FAT4: variants seen among roughly 807,000 people sequenced by gnomAD.
FAT4 encodes FAT atypical cadherin 4.
Under a neutral mutation model 303.9 loss-of-function variants are expected in FAT4, and 84 were observed. The ratio of observed to expected loss-of-function variants is 0.28; its 90% confidence interval spans 0.23 to 0.33. The LOEUF is 0.33. Ranked by LOEUF, FAT4 falls within the 10% of genes least tolerant of loss-of-function variation. The pLI is 1.00. For synonymous variants in FAT4, 2,307 were observed against 2,298.8 expected, an observed-to-expected ratio of 1.00 and a Z score of -0.10; for missense variants, 6,005 against 6,146.8, an observed-to-expected ratio of 0.98 and a Z score of 0.77.
chr4:125,363,848 T>C (rs190024561), intron 2 of FAT4, among the ~76,000 whole-genome samples: 19 of 152,260 alleles, frequency 1.2e-4, no homozygotes, highest in Admixed American at 1.1e-3. Flanking sequence ...GATTATGGAT[T>C]ATTATATTCA....
intron 10 of FAT4, among the ~76,000 whole-genome samples, chr4:125,453,416 ATG>A (rs1028102275): frequency 6.6e-6 from 1 of 152,146 alleles, no homozygotes; most frequent in Non-Finnish European, 1.5e-5. Flanking sequence ...GATTAAAATG[ATG>A]TGTTATTGGG....
At chr4:125,339,351 A>T (rs1402909695) in intron 2 of FAT4, among the ~76,000 whole-genome samples, 1 of 151,668 alleles carries the variant, frequency 6.6e-6, no homozygotes, top group Non-Finnish European at 1.5e-5. Context: ...TCATGCCACC[A>T]CGCCTGGCTA....
At chr4:125,327,690 T>A (rs926657889) in intron 2 of FAT4, among the ~76,000 whole-genome samples, 1 of 152,230 alleles carries the variant, frequency 6.6e-6, no homozygotes, top group Non-Finnish European at 1.5e-5. Flanking sequence ...TAGACATAAC[T>A]CATCTTCCAA....
At chr4:125,322,179 G>A (rs954050625) in intron 2 of FAT4, among the ~76,000 whole-genome samples, 1 of 152,110 alleles carries the variant, frequency 6.6e-6, no homozygotes, top group East Asian at 1.9e-4. Flanking sequence ...TAACATTTTA[G>A]ACACTGTCTT....
intron 2 of FAT4, among the ~76,000 whole-genome samples, chr4:125,389,685 C>T (rs868707056): frequency 6.6e-6 from 1 of 152,138 alleles, no homozygotes; most frequent in African/African-American, 2.4e-5. Context: ...TTGATTTCTC[C>T]CATTTTTTTC....
intron 2 of FAT4, among the ~76,000 whole-genome samples, chr4:125,397,661 C>T (rs1734235660): frequency 6.6e-6 from 1 of 152,062 alleles, no homozygotes; most frequent in Non-Finnish European, 1.5e-5. Flanking sequence ...ATAAATTGCT[C>T]ATTTATTTGT....
At position 125,340,904 on chromosome 4, in the gene FAT4, T is replaced by C. The variant is rs560442998; in HGVS notation, c.5175+19318T>C. Among the ~76,000 whole-genome samples, 4 of 152,290 alleles carry C rather than the reference T, an allele frequency of 2.6e-5. No homozygotes were observed. In the South Asian group the frequency reaches 8.3e-4, roughly 32 times the overall value. ...GATTTTGGCATTAGTTGACAAGCTA[T>C]TGCAAGCAATCATTGAGATAATAAA... is the stretch of plus-strand genomic sequence containing the variant. On this transcript the variant is annotated intron_variant, in intron 2 of 17. Coordinates refer to ENST00000394329, the MANE Select transcript of FAT4 (RefSeq NM_001291303.3).
At chr4:125,485,532 T>C (rs917232234) in intron 16 of FAT4, among the ~76,000 whole-genome samples, 2 of 152,194 alleles carry the variant, frequency 1.3e-5, no homozygotes, top group African/African-American at 4.8e-5. Context: ...CTCCACATCT[T>C]GTCCCAGTGG....
rs1726012724 is a variant in FAT4 at position 125,450,394 on chromosome 4, C to T, written c.9384C>T (p.Tyr3128=). ...RDAAMNGLIK[Y]SISSGNEEGI... ...CAGCGATGAATGGCTTGATTAAGTA[C>T]AGCATTTCTTCAGGAAATGAAGAAG... Residue 3128 remains tyrosine, a synonymous_variant, in exon 10 of 18, where the codon TAC becomes TAT. Transcript: ENST00000394329. 6.2e-7 allele frequency: 1 copy of T among 1,613,932 alleles called. No individual in the cohort carries two copies. Among genetic ancestry groups the T allele is most frequent in the African/African-American group, 1.3e-5 (1 of 74,906 alleles).
chr4:125,465,725 C>T (rs1218063343), intron 11 of FAT4, among the ~76,000 whole-genome samples: 2 of 152,136 alleles, frequency 1.3e-5, no homozygotes, highest in East Asian at 1.9e-4. Context: ...TTAAAATAGA[C>T]ACAAATCACA....
Position 125,460,412 on chromosome 4 carries a change from T to C in FAT4, c.11801-3151T>C, listed in dbSNP as rs527946531. ...TTAAGCCCAATACCAAATAGTGATC[T>C]TTCCTGCTCCCCTCCCTCCTCCCAC... is the stretch of plus-strand genomic sequence containing the variant. On this transcript the variant is annotated intron_variant, in intron 10 of 17. Coordinates refer to ENST00000394329, the MANE Select transcript of FAT4 (RefSeq NM_001291303.3). Among the ~76,000 whole-genome samples, 87 of 152,084 alleles carry C rather than the reference T, an allele frequency of 5.7e-4. 1 individual carries two copies. The highest frequency in any genetic ancestry group is 2.0e-3 in the African/African-American group (85 of 41,512).
intron 8 of FAT4, 43 bp downstream of exon 8, chr4:125,434,468 A>C: frequency 6.4e-7 from 1 of 1,564,928 alleles, no homozygotes; most frequent in East Asian, 2.2e-5. Context: ...TTTTCTCATT[A>C]AACATTAGTT....
rs780244080 is a variant in FAT4, at chr4:125,491,651, T to C, written c.14835T>C (p.Tyr4945=). The C allele has an allele frequency of 6.2e-6, 10 of 1,614,166 alleles. No homozygotes were observed. The highest frequency in any genetic ancestry group is 2.2e-5 in the East Asian group (1 of 44,852). ...ACTGGGGCCCTGGCTTTGGCCATTATGTAGATGTTTTTAAAGATTTGGCAT... is the reference window on the plus strand; with the variant it reads ...ACTGGGGCCCTGGCTTTGGCCATTACGTAGATGTTTTTAAAGATTTGGCAT... ...LLNWGPGFGH[Y]VDVFKDLASL... is the part of the protein sequence containing the mutation. The change falls in exon 18 of 18, where the codon TAT becomes TAC. Residue 4945 remains tyrosine (Y), a synonymous_variant. Coordinates refer to ENST00000394329, the MANE Select transcript of FAT4 (RefSeq NM_001291303.3).
chr4:125,332,702 CT>C (rs1279996708), intron 2 of FAT4, among the ~76,000 whole-genome samples: 1 of 151,962 alleles, frequency 6.6e-6, no homozygotes, highest in African/African-American at 2.4e-5. Flanking sequence ...TTGTCCATGA[CT>C]TAATGCAGTT....
At chr4:125,446,695 T>C (rs987229750) in intron 9 of FAT4, 152 bp downstream of exon 9, 1 of 718,390 alleles carries the variant, frequency 1.4e-6, no homozygotes, top group Non-Finnish European at 2.1e-6. Context: ...CTGATGGAAA[T>C]GAAAAAATGC....
chr4:125,440,581 T>TTGTGTG lies in FAT4; in HGVS notation c.7200-5687_7200-5682dup, dbSNP rs768799104. On this transcript the variant is annotated intron_variant, in intron 8 of 17. Coordinates refer to ENST00000394329, the MANE Select transcript of FAT4 (RefSeq NM_001291303.3). ...TCTCACTGCATTATTTTCTCAGTAC[T>TTGTGTG]TGTGTGTGTGTGTGTGTGTGTGTGT... Among the ~76,000 whole-genome samples, 61 of 117,660 alleles carry TTGTGTG rather than the reference T, an allele frequency of 5.2e-4. 3 individuals carry two copies. Among genetic ancestry groups the TTGTGTG allele is most frequent in the East Asian group, 1.3e-3 (5 of 3,970 alleles). The allele number at this position is 117,660 out of a possible 152,430, so 77.2% of individuals were successfully genotyped here. A position where few individuals can be genotyped will look rare whatever the true frequency, so the allele number is the denominator to read the frequency against.
chr4:125,316,526 T>C lies in FAT4; in HGVS notation c.115T>C (p.Trp39Arg), dbSNP rs2125938253. The change falls in exon 2 of 18, where the codon TGG becomes CGG. Residue 39 changes from tryptophan (W) to arginine (R), a missense_variant. Transcript: ENST00000394329. This position sits in a 1 kb window ranked among gnomAD's most constrained non-coding sequence, Gnocchi z 5.7. Reference protein sequence around the residue: ...WLLSLLPGQAWVHGAEPRQVF... With the variant: ...WLLSLLPGQARVHGAEPRQVF... ...ACTGTCATTGCTTCCGGGGCAGGCC[T>C]GGGTCCACGGGGCCGAGCCGCGCCA... 4 of 1,613,948 alleles carry C rather than the reference T, an allele frequency of 2.5e-6. No homozygotes were observed. The highest frequency in any genetic ancestry group is 2.5e-6 in the Non-Finnish European group (3 of 1,180,020).
Position 125,319,235 on chromosome 4 carries a change from A to C in FAT4, c.2824A>C (p.Ile942Leu), listed in dbSNP as rs368138514. Residue 942 changes from isoleucine (I) to leucine (L), a missense_variant, in exon 2 of 18, where the codon ATC (isoleucine) becomes CTC (leucine). Physicochemically the swap from Ile to Leu is conservative, Grantham distance 5. Transcript: ENST00000394329. ...LKQNPKNLFAINEKNGTISLL... is the reference protein window; with the variant it reads ...LKQNPKNLFALNEKNGTISLL... ...GCAAAACCCCAAGAACCTGTTTGCT[A>C]TCAATGAAAAGAATGGCACTATTAG... is the stretch of plus-strand genomic sequence containing the variant. 3 of 1,614,168 alleles carry C rather than the reference A, an allele frequency of 1.9e-6. No individual in the cohort carries two copies. The Admixed American group carries it at 5.0e-5, about 27-fold the overall frequency.
chr4:125,398,749 G>T, intron 2 of FAT4, 35 bp from the exon 3 acceptor site: 3 of 1,609,072 alleles, frequency 1.9e-6, no homozygotes, highest in Non-Finnish European at 2.5e-6. Flanking sequence ...AGACACGTGG[G>T]AGTCATTCAC....
Sources: gnomAD v4.1 joint callset for allele counts (sites outside exome capture counted in the v4.1 genomes callset) on GRCh38, gnomAD v4.1.1 for gene constraint, Gnocchi (gnomAD v3.1) non-coding constraint, MANE v1.5 for transcripts, NCBI Gene and HGNC (gene_info 2026-07-23, HGNC 2026-07-21) for gene names.